The following LRBA variants were observed in gnomAD, a reference collection of about 807,000 sequenced individuals.
LRBA encodes the protein lipopolysaccharide-responsive and beige-like anchor protein.
A neutral mutation model predicts 330.0 loss-of-function variants in LRBA; 176 were observed. The ratio of observed to expected loss-of-function variants is 0.53; its 90% CI spans 0.47 to 0.60. The LOEUF is 0.60. LRBA is among the 20% of genes least tolerant of loss of function. The probability of loss-of-function intolerance (pLI) is 0.00; values close to 1 mark genes in which losing one functional copy is unlikely to be tolerated. For synonymous variants in LRBA, 1,230 were observed against 1,193.0 expected, an observed-to-expected ratio of 1.03 and a Z score of -0.64; for missense variants, 3,259 against 3,444.8, an observed-to-expected ratio of 0.95 and a Z score of 1.35.
intron 2 of LRBA, among the ~76,000 whole-genome samples, chr4:150,941,072 A>G (rs1735619376): frequency 6.6e-6 from 1 of 151,038 alleles, no homozygotes; most frequent in African/African-American, 2.4e-5. Flanking sequence ...TATCTGAGAG[A>G]CTCTCGTGCA....
At chr4:150,636,858 A>G (rs948526454) in intron 37 of LRBA, among the ~76,000 whole-genome samples, 12 of 152,140 alleles carry the variant, frequency 7.9e-5, no homozygotes, top group African/African-American at 2.9e-4. Flanking sequence ...TTTGTTGCTC[A>G]GGCTGGTCTC....
intron 37 of LRBA, among the ~76,000 whole-genome samples, chr4:150,671,021 TGTGTGTGTGTGTGTGTGTGTGA>T (rs1230011401): frequency 2.0e-5 from 3 of 148,180 alleles, no homozygotes; most frequent in African/African-American, 7.5e-5. Context: ...TGTGTGTGTG[TGTGTGTGTGTGTGTGTGTGTGA>T]GAGAGAGAGA....
intron 34 of LRBA, among the ~76,000 whole-genome samples, chr4:150,772,491 C>A (rs1736716795): frequency 6.6e-6 from 1 of 152,206 alleles, no homozygotes; most frequent in East Asian, 1.9e-4. Context: ...TGTGCATGTA[C>A]AACTTGATGG....
At chr4:150,336,053 A>G (rs372742376) in intron 48 of LRBA, among the ~76,000 whole-genome samples, 39 of 152,326 alleles carry the variant, frequency 2.6e-4, no homozygotes, top group East Asian at 2.3e-3. Flanking sequence ...AATAGCAAGA[A>G]ATACATATAT....
chr4:150,592,282 A>C (rs1210588264), intron 38 of LRBA, among the ~76,000 whole-genome samples: 1 of 150,758 alleles, frequency 6.6e-6, no homozygotes, highest in Non-Finnish European at 1.5e-5. Flanking sequence ...TATTCTACAT[A>C]GTTAACCTGC....
At chr4:150,685,705 G>A (rs769137478) in intron 36 of LRBA, among the ~76,000 whole-genome samples, 4 of 151,520 alleles carry the variant, frequency 2.6e-5, no homozygotes, top group Non-Finnish European at 5.9e-5. Flanking sequence ...AAAGTGCTGC[G>A]ATTACAGGCG....
chr4:150,451,110 T>C (rs553823103), intron 44 of LRBA, among the ~76,000 whole-genome samples: 6 of 152,264 alleles, frequency 3.9e-5, no homozygotes, highest in South Asian at 4.1e-4. Flanking sequence ...ATCTAACTTA[T>C]AGTTGGAGAC....
chr4:150,411,425 A>G (rs918097248), intron 47 of LRBA, among the ~76,000 whole-genome samples: 2 of 152,230 alleles, frequency 1.3e-5, no homozygotes, highest in African/African-American at 4.8e-5. Context: ...TACTTAAAAA[A>G]GACATGCTGG....
intron 36 of LRBA, among the ~76,000 whole-genome samples, chr4:150,711,789 G>A (rs1468481266): frequency 6.6e-6 from 1 of 152,168 alleles, no homozygotes; most frequent in South Asian, 2.1e-4. Flanking sequence ...CCAGAGTAAT[G>A]ATAATTGGGA....
intron 2 of LRBA, among the ~76,000 whole-genome samples, chr4:150,962,665 A>T (rs1019729058): frequency 6.7e-5 from 10 of 149,254 alleles, no homozygotes; most frequent in Non-Finnish European, 1.5e-4. Context: ...AAAAATAAAA[A>T]GCTTTTGGCT....
At chr4:150,928,695 G>A in intron 3 of LRBA, 79 bp from the exon 4 acceptor site, 2 of 1,301,534 alleles carry the variant, frequency 1.5e-6, no homozygotes, top group Non-Finnish European at 2.2e-6. Flanking sequence ...GCTTATTTAA[G>A]GGCTTGGACA....
chr4:150,415,210 A>G (rs1747562240), intron 47 of LRBA, among the ~76,000 whole-genome samples: 1 of 152,234 alleles, frequency 6.6e-6, no homozygotes. Flanking sequence ...TCATGTATAT[A>G]TGAATGTAAC....
chr4:150,999,265 A>G (rs993925469), intron 2 of LRBA, among the ~76,000 whole-genome samples: 3 of 152,162 alleles, frequency 2.0e-5, no homozygotes, highest in African/African-American at 7.2e-5. Context: ...ACAAAAAAAA[A>G]GTATTCACTC....
At position 150,288,195 on chromosome 4, in the gene LRBA, G is replaced by C. The variant is rs1430202040; in HGVS notation, c.8018-2161C>G. Among the ~76,000 whole-genome samples the C allele has an allele frequency of 5.3e-5, 8 of 151,878 alleles. No individual in the cohort carries two copies. In the East Asian group the frequency reaches 1.6e-3, roughly 30 times the overall value. On this transcript the variant is annotated intron_variant, in intron 53 of 56. Coordinates refer to ENST00000651943, the MANE Select transcript of LRBA (RefSeq NM_001364905.1). ...TTTAGTAGAGACGGGGTTTCACCGT[G>C]GTCTCGATCTCCTGACCTCGTGATC...
At chr4:150,976,175 G>GAAAAAAAAAAA (rs56914557) in intron 2 of LRBA, among the ~76,000 whole-genome samples, 2 of 88,730 alleles carry the variant, frequency 2.3e-5, no homozygotes, top group Non-Finnish European at 4.6e-5. Flanking sequence ...ACTCCGTCTT[G>GAAAAAAAAAAA]AAAAAAAAAA....
intron 36 of LRBA, among the ~76,000 whole-genome samples, chr4:150,705,051 A>C (rs1305114683): frequency 6.6e-6 from 1 of 152,182 alleles, no homozygotes; most frequent in African/African-American, 2.4e-5. Context: ...GTACTACATG[A>C]ATAAAAATTT....
chr4:150,731,657 CAG>C (rs1250457349), intron 36 of LRBA, among the ~76,000 whole-genome samples: 1 of 152,060 alleles, frequency 6.6e-6, no homozygotes, highest in Non-Finnish European at 1.5e-5. Flanking sequence ...CAGTTTTACT[CAG>C]AGAGACAGTA....
At chr4:150,910,073 G>C (rs1406660475) in intron 9 of LRBA, among the ~76,000 whole-genome samples, 1 of 152,080 alleles carries the variant, frequency 6.6e-6, no homozygotes, top group African/African-American at 2.4e-5. Context: ...TCAGATATAT[G>C]ATTGCTAAAT....
rs139462537 is a variant in LRBA, at chr4:150,601,504, C to T, written c.5922-2373G>A. On this transcript the variant is annotated intron_variant, in intron 37 of 56. Coordinates refer to ENST00000651943, the MANE Select transcript of LRBA (RefSeq NM_001364905.1). ...TAACCAAAATTAGGAGGAAATAAAA[C>T]GATAATATTTATTTTTATACCTTGA... is the stretch of plus-strand genomic sequence containing the variant. Among the ~76,000 whole-genome samples the T allele has an allele frequency of 2.6e-4, 40 of 151,784 alleles. 1 individual carries two copies. The highest frequency in any genetic ancestry group is 6.8e-3 in the Middle Eastern group (2 of 292).
Sources: gnomAD v4.1 joint callset for allele counts (sites outside exome capture counted in the v4.1 genomes callset) on GRCh38, gnomAD v4.1.1 for gene constraint, MANE v1.5 for transcripts, NCBI Gene and HGNC (gene_info 2026-07-23, HGNC 2026-07-21) for gene names.